Variants in ELMOD1 observed in about 807,000 individuals in gnomAD.
ELMOD1 encodes the protein ELMO domain-containing protein 1.
In ELMOD1, 21 loss-of-function variants were observed where a neutral mutation model predicts 46.7. The observed-to-expected ratio is 0.45, with a 90% CI of 0.32 to 0.65. The LOEUF is 0.65. Ranked by LOEUF, ELMOD1 falls within the 30% of genes least tolerant of loss-of-function variation. The pLI is 0.04. For synonymous variants in ELMOD1, 122 were observed against 138.2 expected (o/e 0.88, Z 0.82); for missense variants, 348 against 407.8 (o/e 0.85, Z 1.26).
intron 6 of ELMOD1, among the ~76,000 whole-genome samples, 166 bp from the exon 7 acceptor site, chr11:107,647,300 CAT>C (rs1390728188): frequency 6.6e-6 from 1 of 152,022 alleles, no homozygotes; most frequent in Non-Finnish European, 1.5e-5. Flanking sequence ...AAGATGATCA[CAT>C]CTTTTTTTTT....
At chr11:107,630,848 G>A in intron 4 of ELMOD1, 120 bp downstream of exon 4, 1 of 974,810 alleles carries the variant, frequency 1.0e-6, no homozygotes, top group Non-Finnish European at 1.5e-6. Flanking sequence ...TGCCAACTGA[G>A]AAGAAATAAT....
intron 7 of ELMOD1, among the ~76,000 whole-genome samples, chr11:107,648,063 C>G (rs1245909751): frequency 2.0e-5 from 3 of 152,176 alleles, no homozygotes; most frequent in Admixed American, 1.3e-4. Context: ...CACCACAATG[C>G]CATTATCACA....
At chr11:107,621,140 A>G (rs1454566386) in intron 2 of ELMOD1, among the ~76,000 whole-genome samples, 1 of 152,212 alleles carries the variant, frequency 6.6e-6, no homozygotes, top group African/African-American at 2.4e-5. Flanking sequence ...TTAATTTTGG[A>G]AATTAATAAA....
At chr11:107,637,069 G>A (rs1399637577) in intron 6 of ELMOD1, among the ~76,000 whole-genome samples, 1 of 152,108 alleles carries the variant, frequency 6.6e-6, no homozygotes, top group Non-Finnish European at 1.5e-5. Flanking sequence ...GCACATAATG[G>A]GTTTTCAACA....
intron 6 of ELMOD1, among the ~76,000 whole-genome samples, chr11:107,638,569 T>C (rs1866267808): frequency 6.6e-6 from 1 of 152,238 alleles, no homozygotes; most frequent in South Asian, 2.1e-4. Context: ...CCATGGTTTG[T>C]GTTTCACTGC....
In ELMOD1 at chr11:107,618,152, A is replaced by T. The variant is rs776853898; in HGVS notation, c.-38A>T. The T allele has an allele frequency of 5.8e-6, 9 of 1,562,070 alleles. No homozygotes were observed. In the South Asian group the frequency reaches 9.5e-5, roughly 16 times the overall value. On this transcript the variant is annotated 5_prime_UTR_variant, in exon 2 of 12. Coordinates refer to ENST00000265840, the MANE Select transcript of ELMOD1 (RefSeq NM_018712.4). ...CAAATTTGGAAGCAATTACTTGAGG[A>T]CAGTTCATATAGCATCTGGACAGTC...
intron 1 of ELMOD1, among the ~76,000 whole-genome samples, chr11:107,608,200 C>T (rs1317973560): frequency 1.3e-5 from 2 of 151,698 alleles, no homozygotes; most frequent in Admixed American, 1.3e-4. Context: ...GGTGTTATGG[C>T]ATGAAAAGAA....
chr11:107,603,746 A>G (rs1257056428), intron 1 of ELMOD1, among the ~76,000 whole-genome samples: 2 of 151,212 alleles, frequency 1.3e-5, no homozygotes, highest in Admixed American at 1.3e-4. Context: ...GCATGGTGGC[A>G]CATGCCTCGT....
intron 11 of ELMOD1, among the ~76,000 whole-genome samples, chr11:107,661,670 T>C (rs1866742308): frequency 6.6e-6 from 1 of 152,212 alleles, no homozygotes; most frequent in Non-Finnish European, 1.5e-5. Flanking sequence ...ATAAAAATTA[T>C]ATTTAGGAGG....
At chr11:107,627,323 T>A (rs534371578) in intron 2 of ELMOD1, among the ~76,000 whole-genome samples, 144 of 152,312 alleles carry the variant, frequency 9.5e-4, no homozygotes, top group African/African-American at 3.4e-3. Flanking sequence ...ATGTGCACAA[T>A]TGAAATTGTT....
In ELMOD1 at chr11:107,621,982, A is replaced by G. The variant is rs944418260; in HGVS notation, c.17+3776A>G. ...GCGGAGGTTGCAGTGAGCCGAGATC[A>G]CGCCACTGCACTCTAGCCTAGGTGA... On this transcript the variant is annotated intron_variant, in intron 2 of 11. Coordinates refer to ENST00000265840, the MANE Select transcript of ELMOD1 (RefSeq NM_018712.4). Among the ~76,000 whole-genome samples the G allele has an allele frequency of 3.3e-5, 5 of 152,164 alleles. No homozygotes were observed. The East Asian group carries it at 5.8e-4, about 18-fold the overall frequency.
At chr11:107,655,573 CTTTT>C (rs746890763) in intron 10 of ELMOD1, among the ~76,000 whole-genome samples, 2 of 112,470 alleles carry the variant, frequency 1.8e-5, no homozygotes, top group East Asian at 6.3e-4. Context: ...ATTGAAATGC[CTTTT>C]TTTTTTTTTT....
At chr11:107,660,959 A>G (rs922656698) in intron 11 of ELMOD1, among the ~76,000 whole-genome samples, 1 of 152,208 alleles carries the variant, frequency 6.6e-6, no homozygotes, top group South Asian at 2.1e-4. Context: ...ATATTTGTTC[A>G]TCGGCAGATG....
intron 7 of ELMOD1, among the ~76,000 whole-genome samples, chr11:107,648,763 A>AT (rs1866476153): frequency 7.1e-4 from 3 of 4,210 alleles, no homozygotes; most frequent in Admixed American, 3.1e-3. Context: ...TGTTAGTGTC[A>AT]ATTTTTTTTT....
chr11:107,659,943 A>G (rs1217183253), intron 11 of ELMOD1, among the ~76,000 whole-genome samples: 3 of 152,112 alleles, frequency 2.0e-5, no homozygotes, highest in African/African-American at 7.2e-5. Context: ...TACGCTTCCA[A>G]GAGAATCCTA....
intron 5 of ELMOD1, among the ~76,000 whole-genome samples, 183 bp downstream of exon 5, chr11:107,631,860 C>T (rs1163253499): frequency 6.6e-6 from 1 of 152,084 alleles, no homozygotes; most frequent in Non-Finnish European, 1.5e-5. Flanking sequence ...TAAATGGCAG[C>T]AACTTTGTAC....
intron 1 of ELMOD1, chr11:107,600,939 T>TGAC (rs1408193594): frequency 6.6e-6 from 1 of 152,034 alleles, no homozygotes; most frequent in Non-Finnish European, 1.5e-5. Context: ...TCTCAAGACG[T>TGAC]GACTGGTGCC....
chr11:107,656,116 G>A (rs768611787), intron 11 of ELMOD1, 50 bp downstream of exon 11: 63 of 1,538,546 alleles, frequency 4.1e-5, no homozygotes, highest in Non-Finnish European at 4.8e-5. Flanking sequence ...CGCTGGGCAC[G>A]GTGGCTCACC....
intron 6 of ELMOD1, among the ~76,000 whole-genome samples, chr11:107,645,969 C>A (rs1285331478): frequency 6.6e-6 from 1 of 152,096 alleles, no homozygotes. Flanking sequence ...TTGTGTATTA[C>A]TGTTTCATTT....
Sources: gnomAD v4.1 joint callset for allele counts (sites outside exome capture counted in the v4.1 genomes callset) on GRCh38, gnomAD v4.1.1 for gene constraint, MANE v1.5 for transcripts, NCBI Gene and HGNC (gene_info 2026-07-23, HGNC 2026-07-21) for gene names.